TMPRSS9: variants seen among roughly 807,000 people sequenced by gnomAD.
TMPRSS9 encodes the protein transmembrane protease serine 9.
Under a neutral mutation model 111.4 loss-of-function variants are expected in TMPRSS9, and 113 were observed. That is an observed-to-expected ratio of 1.01 (90% CI 0.87 to 1.19). The LOEUF (loss-of-function observed/expected upper bound fraction) is 1.19, where lower values mean the gene tolerates loss of function less well. TMPRSS9 is among the 50% of genes most tolerant of loss of function. The pLI is 0.00. For synonymous variants in TMPRSS9, 805 were observed against 659.1 expected (o/e 1.22, Z -3.39); for missense variants, 1,803 against 1,513.1 (o/e 1.19, Z -3.18).
intron 8 of TMPRSS9, 24 bp downstream of exon 9, chr19:2,408,654 A>G: frequency 1.3e-6 from 2 of 1,597,594 alleles, no homozygotes; most frequent in Non-Finnish European, 1.7e-6. Context: ...TCGGCCTGCA[A>G]GTGAGCTCAG....
Position 2,425,942 on chromosome 19 carries a change from C to T in TMPRSS9, c.3136C>T (p.Pro1046Ser), listed in dbSNP as rs546283909. Reference sequence around the variant, plus strand: ...TCCCCAACAGGGTGACGCTGGGGGACCCCTGGCCTGCAGGGAGCCCTCTGG... The same window carrying T: ...TCCCCAACAGGGTGACGCTGGGGGATCCCTGGCCTGCAGGGAGCCCTCTGG... The change falls in exon 18 of 18, where the codon CCC (proline) becomes TCC (serine). Residue 1046 changes from proline (P) to serine (S), a missense_variant. Physicochemically the swap from Pro to Ser is moderately conservative, Grantham distance 74. Coordinates refer to ENST00000648592, the Ensembl canonical transcript of TMPRSS9. 18 of 1,599,712 alleles carry T rather than the reference C, an allele frequency of 1.1e-5. No homozygotes were observed. In the African/African-American group the frequency reaches 1.3e-4, roughly 12 times the overall value.
At chr19:2,424,902 A>G (rs1160836189) in intron 15 of TMPRSS9, 100 bp from the exon 17 acceptor site, 4 of 1,338,678 alleles carry the variant, frequency 3.0e-6, no homozygotes, top group South Asian at 1.7e-5. Context: ...GAGGCCAATA[A>G]CCCTGCCCAG....
chr19:2,421,362 C>T (rs915718309), intron 13 of TMPRSS9, among the ~76,000 whole-genome samples: 1 of 151,232 alleles, frequency 6.6e-6, no homozygotes, highest in South Asian at 2.1e-4. Context: ...GATCTCAGCT[C>T]ACTGCAAGCT....
At chr19:2,364,635 G>T (rs1207819075) in intron 1 of TMPRSS9, among the ~76,000 whole-genome samples, 1 of 151,946 alleles carries the variant, frequency 6.6e-6, no homozygotes, top group Non-Finnish European at 1.5e-5. Flanking sequence ...GAGAGTCCCC[G>T]CACACCCACC....
chr19:2,377,888 A>G (rs938248234), intron 1 of TMPRSS9, among the ~76,000 whole-genome samples: 1 of 146,246 alleles, frequency 6.8e-6, no homozygotes, highest in African/African-American at 2.5e-5. Flanking sequence ...AATTTTTACA[A>G]TTTTTTTGCA....
At chr19:2,399,637 A>T (rs1970787318) in intron 4 of TMPRSS9, among the ~76,000 whole-genome samples, 2 of 151,990 alleles carry the variant, frequency 1.3e-5, no homozygotes, top group South Asian at 4.1e-4. Context: ...TGGTGTGGAT[A>T]AGGGGTCAGC....
intron 1 of TMPRSS9, among the ~76,000 whole-genome samples, chr19:2,376,391 T>A (rs1251233276): frequency 6.6e-6 from 1 of 152,130 alleles, no homozygotes; most frequent in African/African-American, 2.4e-5. Context: ...CATTTACAGA[T>A]TCTGGGGATT....
chr19:2,425,749 G>C (rs1003102569), intron 17 of TMPRSS9, 178 bp from the exon 19 acceptor site: 17 of 1,164,236 alleles, frequency 1.5e-5, no homozygotes, highest in Non-Finnish European at 1.9e-5. Flanking sequence ...TCCACTCCGG[G>C]ACCACGTGGC....
chr19:2,405,492 G>A, exon 7 of TMPRSS9: 2 of 1,604,560 alleles, frequency 1.2e-6, no homozygotes, highest in South Asian at 2.2e-5. Flanking sequence ...ACTTCTGTGG[G>A]GCCGCCATCA....
chr19:2,402,241 TA>T (rs751499975), intron 5 of TMPRSS9, among the ~76,000 whole-genome samples: 110 of 149,416 alleles, frequency 7.4e-4, no homozygotes, highest in African/African-American at 2.5e-3. Flanking sequence ...AAAATAATAA[TA>T]AAAAAAGGCC....
chr19:2,387,802 G>A (rs1970509237), upstream of TMPRSS9, among the ~76,000 whole-genome samples: 1 of 152,024 alleles, frequency 6.6e-6, no homozygotes, highest in African/African-American at 2.4e-5. Context: ...AGCACTTTGG[G>A]TTTTAGGCTG....
chr19:2,390,319 T>C (rs1970561499), intron 1 of TMPRSS9, among the ~76,000 whole-genome samples: 1 of 132,726 alleles, frequency 7.5e-6, no homozygotes, highest in South Asian at 2.7e-4. Flanking sequence ...CTCGGCTCAC[T>C]GCAAGCTCCA....
upstream of TMPRSS9, among the ~76,000 whole-genome samples, chr19:2,385,095 A>C (rs1218524437): frequency 6.7e-6 from 1 of 150,214 alleles, no homozygotes; most frequent in Non-Finnish European, 1.5e-5. Flanking sequence ...CACCGTGGCT[A>C]CCTTGGCCCA....
At chr19:2,395,963 G>A (rs561258109) in intron 1 of TMPRSS9, among the ~76,000 whole-genome samples, 12 of 151,974 alleles carry the variant, frequency 7.9e-5, no homozygotes, top group East Asian at 3.9e-4. Flanking sequence ...AGCCGAGATT[G>A]CGCCACCGCA....
At chr19:2,415,184 A>G (rs983853603) in intron 10 of TMPRSS9, among the ~76,000 whole-genome samples, 1 of 151,998 alleles carries the variant, frequency 6.6e-6, no homozygotes, top group African/African-American at 2.4e-5. Context: ...ACCTCAGGTG[A>G]TCTGCCCGCC....
chr19:2,400,294 C>A (rs140756099), intron 4 of TMPRSS9, among the ~76,000 whole-genome samples: 4 of 152,172 alleles, frequency 2.6e-5, no homozygotes, highest in Non-Finnish European at 5.9e-5. Flanking sequence ...GTAATTCCAG[C>A]AATTTGGGAG....
In TMPRSS9 at chr19:2,391,651, G is replaced by T. The variant is rs1434530176; in HGVS notation, c.142+1724G>T. 2.0e-5 allele frequency among the ~76,000 whole-genome samples: 3 copies of T among 151,262 alleles called. No homozygotes were observed. The Admixed American group carries it at 2.0e-4, about 10-fold the overall frequency. The stretch of plus-strand genomic sequence containing the variant: ...CCTAGTGAGAGGCAGGGGCGGGGCA[G>T]AGTTTCTCATCTGCATTGTAACAAA... On this transcript the variant is annotated intron_variant, in intron 1 of 17. Coordinates refer to ENST00000648592, the Ensembl canonical transcript of TMPRSS9.
intron 1 of TMPRSS9, among the ~76,000 whole-genome samples, chr19:2,374,248 CTTTTTTTTTTTTTTTTTTTTTTTTTTTT>C (rs1027376774): frequency 1.4e-5 from 1 of 70,398 alleles, no homozygotes; most frequent in African/African-American, 4.9e-5. Flanking sequence ...TCTCAACAAT[CTTTTTTTTTTTTTTTTTTTTTTTTTTTT>C]TTTTTTTTTA....
chr19:2,418,261 TCC>T, intron 13 of TMPRSS9, 123 bp downstream of exon 14: 1 of 1,046,940 alleles, frequency 9.6e-7, no homozygotes, highest in East Asian at 5.0e-5. Flanking sequence ...CCTCCTTCCC[TCC>T]TTGTCCTTCC....
Sources: gnomAD v4.1 joint callset for allele counts (sites outside exome capture counted in the v4.1 genomes callset) on GRCh38, gnomAD v4.1.1 for gene constraint, MANE v1.5 for transcripts, NCBI Gene and HGNC (gene_info 2026-07-23, HGNC 2026-07-21) for gene names.